ERBB4: variants seen among roughly 807,000 people sequenced by gnomAD.
ERBB4 encodes the protein erb-b2 receptor tyrosine kinase 4, also known as receptor tyrosine-protein kinase erbB-4.
A neutral mutation model predicts 158.0 loss-of-function variants in ERBB4; 42 were observed. The ratio of observed to expected loss-of-function variants is 0.27; its 90% CI spans 0.21 to 0.34. ERBB4 has a LOEUF of 0.34. Ranked by LOEUF, ERBB4 falls within the 10% of genes least tolerant of loss-of-function variation. The pLI is 1.00. For synonymous variants in ERBB4, 583 were observed against 558.7 expected (o/e 1.04, Z -0.61); for missense variants, 1,333 against 1,624.1 (o/e 0.82, Z 3.08).
intron 3 of ERBB4, among the ~76,000 whole-genome samples, chr2:211,804,141 C>T (rs2076560764): frequency 6.6e-6 from 1 of 152,098 alleles, no homozygotes; most frequent in Non-Finnish European, 1.5e-5. Flanking sequence ...GCTTACATGT[C>T]ATCTGGAAGA....
rs193197220 is a variant in ERBB4 at position 212,466,121 on chromosome 2, T to G, written c.82+72328A>C. On this transcript the variant is annotated intron_variant, in intron 1 of 27. Coordinates refer to ENST00000342788, the MANE Select transcript of ERBB4 (RefSeq NM_005235.3). ...CCAATATTCAAGAAACTATTATTAT[T>G]CAACTTTAAAAGCTTAAAATCATAA... is the stretch of plus-strand genomic sequence containing the variant. Among the ~76,000 whole-genome samples the G allele has an allele frequency of 1.3e-3, 193 of 152,350 alleles. 3 individuals are homozygous for G. Among genetic ancestry groups the G allele is most frequent in the African/African-American group, 4.5e-3 (186 of 41,576 alleles).
intron 3 of ERBB4, among the ~76,000 whole-genome samples, chr2:211,887,312 G>C (rs1369094782): frequency 6.7e-6 from 1 of 149,960 alleles, no homozygotes; most frequent in Non-Finnish European, 1.5e-5. Context: ...AAAAAAACAA[G>C]TAGTGATTAG....
At chr2:212,017,696 T>C (rs146788604) in intron 2 of ERBB4, among the ~76,000 whole-genome samples, 2,829 of 152,240 alleles carry the variant, frequency 0.019, 46 homozygotes, top group Middle Eastern at 0.034. Context: ...GTGACTATTG[T>C]ATATTAAATA....
intron 3 of ERBB4, among the ~76,000 whole-genome samples, chr2:211,934,942 C>T (rs1357900097): frequency 4.4e-5 from 2 of 44,964 alleles, no homozygotes; most frequent in Admixed American, 1.9e-4. Context: ...AAAAAAAAAA[C>T]TGCCTTGAAG....
At chr2:212,189,073 CTT>C (rs374754039) in intron 1 of ERBB4, among the ~76,000 whole-genome samples, 5 of 98,718 alleles carry the variant, frequency 5.1e-5, no homozygotes, top group South Asian at 6.9e-4. Context: ...AGATTTCTAA[CTT>C]TTTTTTTGGG....
chr2:211,989,851 G>A (rs1271591155), intron 2 of ERBB4, among the ~76,000 whole-genome samples: 1 of 151,962 alleles, frequency 6.6e-6, no homozygotes, highest in Non-Finnish European at 1.5e-5. Context: ...TTACTTGAAT[G>A]CCTTCCTCAG....
At chr2:212,341,446 T>C (rs1360156945) in intron 1 of ERBB4, among the ~76,000 whole-genome samples, 1 of 152,078 alleles carries the variant, frequency 6.6e-6, no homozygotes, top group African/African-American at 2.4e-5. Flanking sequence ...CTTCCTTTTA[T>C]TTTTCTTACT....
chr2:211,629,678 G>T (rs1173941205), intron 17 of ERBB4, among the ~76,000 whole-genome samples: 2 of 152,148 alleles, frequency 1.3e-5, no homozygotes, highest in African/African-American at 4.8e-5. Flanking sequence ...CAAACAGCAT[G>T]GTACTGGTAC....
At chr2:211,901,188 T>A (rs1460457922) in intron 3 of ERBB4, among the ~76,000 whole-genome samples, 1 of 152,182 alleles carries the variant, frequency 6.6e-6, no homozygotes, top group Admixed American at 6.6e-5. Context: ...CCAGAGGATA[T>A]GTCTTAGGTC....
At chr2:211,524,404 G>A (rs531507257) in intron 20 of ERBB4, among the ~76,000 whole-genome samples, 1 of 151,858 alleles carries the variant, frequency 6.6e-6, no homozygotes, top group East Asian at 1.9e-4. Context: ...GGTGGTCAAT[G>A]GGACTGGGTG....
intron 1 of ERBB4, among the ~76,000 whole-genome samples, chr2:212,365,287 C>A (rs985134804): frequency 6.6e-6 from 1 of 151,622 alleles, no homozygotes; most frequent in African/African-American, 2.4e-5. Flanking sequence ...ATGATGTTTT[C>A]TTTTTACATT....
chr2:212,245,775 C>T (rs2084285437), intron 1 of ERBB4, among the ~76,000 whole-genome samples: 1 of 152,102 alleles, frequency 6.6e-6, no homozygotes. Flanking sequence ...CCTCACCTTG[C>T]TTACAGCGGC....
chr2:212,435,525 A>C (rs2092118718), intron 1 of ERBB4, among the ~76,000 whole-genome samples: 1 of 151,976 alleles, frequency 6.6e-6, no homozygotes. Flanking sequence ...TGTTTATAAG[A>C]AACTAACATA....
Position 212,179,581 on chromosome 2 carries a change from T to C in ERBB4, c.83-54678A>G, listed in dbSNP as rs537193127. The stretch of plus-strand genomic sequence containing the variant: ...TTGGGTGTGAGAATTAGAGATCATG[T>C]TGCTCACCCTTTAGCTGCATTTGTG... On this transcript the variant is annotated intron_variant, in intron 1 of 27. Transcript: ENST00000342788. 6.6e-5 allele frequency among the ~76,000 whole-genome samples: 10 copies of C among 151,692 alleles called. No homozygotes were observed. In the South Asian group the frequency reaches 1.9e-3, roughly 28 times the overall value.
At chr2:212,193,199 C>G (rs924051068) in intron 1 of ERBB4, among the ~76,000 whole-genome samples, 21 of 152,226 alleles carry the variant, frequency 1.4e-4, no homozygotes, top group African/African-American at 5.1e-4. Context: ...TGCTTTTACT[C>G]CTCCCAACTA....
chr2:212,466,365 C>T (rs963762637), intron 1 of ERBB4, among the ~76,000 whole-genome samples: 34 of 152,260 alleles, frequency 2.2e-4, no homozygotes, highest in African/African-American at 8.2e-4. Context: ...TATGGTTTGG[C>T]TCTGTGTCCC....
At chr2:211,811,206 CTGG>C (rs1411336553) in intron 3 of ERBB4, among the ~76,000 whole-genome samples, 2 of 152,108 alleles carry the variant, frequency 1.3e-5, no homozygotes, top group African/African-American at 4.8e-5. Context: ...TAAGACAGGC[CTGG>C]TGGTGACAAA....
At chr2:211,465,153 C>T (rs144620275) in intron 20 of ERBB4, among the ~76,000 whole-genome samples, 97 of 151,928 alleles carry the variant, frequency 6.4e-4, no homozygotes, top group Middle Eastern at 3.4e-3. Context: ...AGCGAGCTTA[C>T]ATTCTTGAAA....
At position 212,535,265 on chromosome 2, in the gene ERBB4, AT is replaced by A. The variant is rs1219415329; in HGVS notation, c.82+3183del. 7.2e-5 allele frequency among the ~76,000 whole-genome samples: 11 copies of A among 152,222 alleles called. No homozygotes were observed. The East Asian group carries it at 1.9e-3, about 27-fold the overall frequency. On this transcript the variant is annotated intron_variant, in intron 1 of 27. Transcript: ENST00000342788. ...ATATATATATATATGAGAATTTCAA[AT>A]TAAAAAGAAAACATTGTACCGATAG... is the stretch of plus-strand genomic sequence containing the variant.
Sources: allele counts gnomAD v4.1 joint callset (sites outside exome capture counted in the v4.1 genomes callset), GRCh38; gene constraint gnomAD v4.1.1; transcripts MANE v1.5; gene names NCBI Gene and HGNC (gene_info 2026-07-23, HGNC 2026-07-21).